Variants in ZNF558 observed in about 807,000 individuals in gnomAD.
ZNF558 encodes zinc finger protein 558.
ZNF558 carries 23 observed loss-of-function variants against 37.6 expected under a neutral mutation model. That is an observed-to-expected ratio of 0.61 (90% CI 0.44 to 0.87). The LOEUF is 0.87. Ranked by LOEUF, ZNF558 falls within the 40% of genes least tolerant of loss-of-function variation. ZNF558 has a pLI of 0.00. For missense variants in ZNF558, 429 were observed against 483.7 expected, an observed-to-expected ratio of 0.89 and a Z score of 1.06; for synonymous variants, 189 against 174.4, an observed-to-expected ratio of 1.08 and a Z score of -0.66.
At position 8,821,304 on chromosome 19, in the gene ZNF558, G is replaced by C. The variant is rs1031717774; in HGVS notation, c.123C>G (p.Gly41=). The C allele has an allele frequency of 9.3e-6, 15 of 1,614,172 alleles. No individual in the cohort carries two copies. Among genetic ancestry groups the C allele is most frequent in the Non-Finnish European group, 1.2e-5 (14 of 1,180,040 alleles). Residue 41 remains glycine (G), a splice_region_variant and synonymous_variant, in exon 7 of 10, where the codon GGC becomes GGG. Coordinates refer to ENST00000601372, the MANE Select transcript of ZNF558 (RefSeq NM_144693.3). ...CGGCCACATCCTCGAAGGTTACCAA[G>C]CCCTAAAGCATTGCAAACATCACGG... ...VNELLTSWLR[G]LVTFEDVAVE...
intron 7 of ZNF558, 94 bp from the exon 8 acceptor site, chr19:8,813,316 G>T: frequency 1.1e-6 from 1 of 925,788 alleles, no homozygotes; most frequent in Non-Finnish European, 1.7e-6. Context: ...ATGGAAAAGT[G>T]TGACTTTAGG....
chr19:8,831,564 C>T (rs1385695292), intron 1 of ZNF558, among the ~76,000 whole-genome samples, 163 bp from the exon 2 acceptor site: 1 of 152,320 alleles, frequency 6.6e-6, no homozygotes, highest in Non-Finnish European at 1.5e-5. Context: ...CTGGCTTTAC[C>T]TGATTCCCAT....
Position 8,821,543 on chromosome 19 carries a change from C to T in ZNF558, c.121-237G>A, listed in dbSNP as rs1016729133. The T allele has an allele frequency of 7.0e-6, 10 of 1,424,440 alleles. No homozygotes were observed. In the African/African-American group the frequency reaches 1.4e-4, roughly 21 times the overall value. The allele number at this position is 1,424,440 out of a possible 1,614,324, so 88.2% of individuals were successfully genotyped here. ...GAGCTCAGCCCTCAATGCTTGTCTC[C>T]TTAGGCCATTCCCAGGTCCAGTGCA... On this transcript the variant is annotated intron_variant, in intron 6 of 9. Coordinates refer to ENST00000601372, the MANE Select transcript of ZNF558 (RefSeq NM_144693.3).
upstream of ZNF558, among the ~76,000 whole-genome samples, chr19:8,834,612 AAAAAC>A (rs894350908): frequency 5.9e-5 from 9 of 151,584 alleles, no homozygotes; most frequent in Admixed American, 5.3e-4. Flanking sequence ...ATCAAAAAAA[AAAAAC>A]AAACCAAAAC....
chr19:8,813,411 T>G (rs1369813034), intron 7 of ZNF558, among the ~76,000 whole-genome samples, 189 bp from the exon 8 acceptor site: 1 of 152,204 alleles, frequency 6.6e-6, no homozygotes, highest in Non-Finnish European at 1.5e-5. Flanking sequence ...CGGGTTGAAG[T>G]GCAGTGGCAT....
chr19:8,818,171 G>A (rs1035548693), intron 7 of ZNF558, among the ~76,000 whole-genome samples: 2 of 152,128 alleles, frequency 1.3e-5, no homozygotes, highest in African/African-American at 4.8e-5. Flanking sequence ...ATGAGTAACA[G>A]GGCCAGGCGC....
rs2043709546 is a variant in ZNF558, at chr19:8,807,061, T to C, written c.*4220A>G. 1 of 152,262 alleles carries C rather than the reference T, an allele frequency of 6.6e-6. No individual in the cohort carries two copies. The highest frequency in any genetic ancestry group is 1.5e-5 in the Non-Finnish European group (1 of 68,048). 9.4% of individuals were successfully genotyped at this position (152,262 alleles called of 1,614,324 possible). A position where few individuals can be genotyped will look rare whatever the true frequency, so the allele number is the denominator to read the frequency against. ...CTAACTCCAATACCCAAATTGTCTC[T>C]GGATCTGCTATTGATTTATATATTC... On this transcript the variant is annotated 3_prime_UTR_variant, in exon 10 of 10. Transcript: ENST00000601372.
Position 8,822,864 on chromosome 19 carries a change from G to A in ZNF558, c.-65-140C>T. ...CCACACTGGGCCTTTATTTTGCTGA[G>A]CAGGCAATGAATTCAGGGCCACCTG... is the stretch of plus-strand genomic sequence containing the variant. On this transcript the variant is annotated intron_variant, in intron 4 of 9. Coordinates refer to ENST00000601372, the MANE Select transcript of ZNF558 (RefSeq NM_144693.3). The surrounding 1 kb of genome is among the most constrained non-coding windows in gnomAD (Gnocchi z 4.4). 1 of 747,786 alleles carries A rather than the reference G, an allele frequency of 1.3e-6. No individual in the cohort carries two copies. The highest frequency in any genetic ancestry group is 2.2e-6 in the Non-Finnish European group (1 of 464,182). 46.3% of individuals were successfully genotyped at this position (747,786 alleles called of 1,614,324 possible). A position where few individuals can be genotyped will look rare whatever the true frequency, so the allele number is the denominator to read the frequency against.
intron 2 of ZNF558, chr19:8,830,795 T>TG (rs1205153452): frequency 6.6e-6 from 1 of 151,824 alleles, no homozygotes; most frequent in Admixed American, 6.6e-5. Flanking sequence ...CTCAGGAAAC[T>TG]GAGGCAGGAG....
intron 7 of ZNF558, 86 bp downstream of exon 7, chr19:8,821,094 T>C: frequency 6.5e-7 from 1 of 1,538,134 alleles, no homozygotes; most frequent in South Asian, 1.2e-5. Context: ...GTTGTATGGA[T>C]TTTACCACAA....
upstream of ZNF558, among the ~76,000 whole-genome samples, chr19:8,835,250 C>T (rs1008780471): frequency 2.6e-5 from 4 of 152,052 alleles, no homozygotes; most frequent in Non-Finnish European, 4.4e-5. Context: ...GAGGGTTTTG[C>T]CATGTTGGCC....
chr19:8,836,956 A>G (rs564208834), upstream of ZNF558, among the ~76,000 whole-genome samples: 3 of 152,358 alleles, frequency 2.0e-5, no homozygotes, highest in East Asian at 5.8e-4. Flanking sequence ...AACATCATCA[A>G]AGACAAAGGC....
intron 7 of ZNF558, among the ~76,000 whole-genome samples, chr19:8,820,802 C>G (rs2044066769): frequency 6.6e-6 from 1 of 152,102 alleles, no homozygotes; most frequent in Non-Finnish European, 1.5e-5. Context: ...AAACACTGTG[C>G]TACATGAAAA....
intron 7 of ZNF558, among the ~76,000 whole-genome samples, chr19:8,815,102 T>C (rs2043900138): frequency 6.6e-6 from 1 of 152,134 alleles, no homozygotes; most frequent in Non-Finnish European, 1.5e-5. Flanking sequence ...GAAACAAACG[T>C]TGGGCCCATT....
upstream of ZNF558, among the ~76,000 whole-genome samples, chr19:8,835,162 C>T (rs1292840419): frequency 6.6e-6 from 1 of 152,052 alleles, no homozygotes; most frequent in East Asian, 1.9e-4. Flanking sequence ...AGCGATTCTC[C>T]TGCCTCAGCC....
Position 8,813,202 on chromosome 19 carries a change from TGG to T in ZNF558, c.266_267del (p.Pro89GlnfsTer32). 6.3e-7 allele frequency: 1 copy of T among 1,596,506 alleles called. No homozygotes were observed. The highest frequency in any genetic ancestry group is 8.5e-7 in the Non-Finnish European group (1 of 1,170,564). On this transcript the variant is annotated frameshift_variant, in exon 8 of 10. Transcript: ENST00000601372. LOFTEE classifies it high-confidence loss of function. ...LASLGCRVNK[P>X]SLISQLEQDK... ...TCTTGTTCCAACTGGGATATCAGAC[TGG>T]GTTTATTAACACGACACCCTATTTA...
Position 8,811,645 on chromosome 19 carries a change from T to C in ZNF558, c.845A>G (p.His282Arg). The C allele has an allele frequency of 6.2e-7, 1 of 1,614,246 alleles. No individual in the cohort carries two copies. Among genetic ancestry groups the C allele is most frequent in the Non-Finnish European group, 8.5e-7 (1 of 1,180,040 alleles). The change falls in exon 10 of 10, where the codon CAC (histidine) becomes CGC (arginine). Residue 282 changes from histidine to arginine, a missense_variant. Physicochemically the swap from His to Arg is conservative, Grantham distance 29 (BLOSUM62 0). Coordinates refer to ENST00000601372, the MANE Select transcript of ZNF558 (RefSeq NM_144693.3). ...AFSTRSSLTGHNSIHTGEKPY... is the reference protein window; with the variant it reads ...AFSTRSSLTGRNSIHTGEKPY... Reference sequence around the variant, plus strand: ...TTTCTCCCCTGTATGAATGCTATTGTGCCCAGTGAGAGAGGACCTTGTGCT... The same window carrying C: ...TTTCTCCCCTGTATGAATGCTATTGCGCCCAGTGAGAGAGGACCTTGTGCT...
chr19:8,829,080 G>T (rs1264492820), intron 2 of ZNF558, among the ~76,000 whole-genome samples: 1 of 151,982 alleles, frequency 6.6e-6, no homozygotes, highest in Non-Finnish European at 1.5e-5. Context: ...GGGCCAACAT[G>T]GTGAAACCCC....
chr19:8,825,913 T>A (rs563393398), intron 2 of ZNF558, among the ~76,000 whole-genome samples: 4 of 152,000 alleles, frequency 2.6e-5, no homozygotes, highest in Non-Finnish European at 5.9e-5. Context: ...GATCCTGACA[T>A]GGGGGATGAT....
Sources: gnomAD v4.1 joint callset for allele counts (sites outside exome capture counted in the v4.1 genomes callset) on GRCh38, gnomAD v4.1.1 for gene constraint, Gnocchi (gnomAD v3.1) non-coding constraint, MANE v1.5 for transcripts, NCBI Gene and HGNC (gene_info 2026-07-23, HGNC 2026-07-21) for gene names.